The following SS18L1 variants were observed in gnomAD, a reference collection of about 807,000 sequenced individuals.
SS18L1 encodes SS18L1 subunit of BAF chromatin remodeling complex.
In SS18L1, 32 loss-of-function variants were observed where a neutral mutation model predicts 70.3. That is an observed-to-expected ratio of 0.46 (90% CI 0.34 to 0.61). SS18L1 has a LOEUF of 0.61. SS18L1 is among the 20% of genes least tolerant of loss of function. SS18L1 has a pLI of 0.01. For missense variants in SS18L1, 430 were observed against 542.1 expected (o/e 0.79, Z 2.05); for synonymous variants, 237 against 229.7 (o/e 1.03, Z -0.29).
At chr20:62,162,637 C>A in intron 4 of SS18L1, 115 bp from the exon 5 acceptor site, 2 of 1,035,784 alleles carry the variant, frequency 1.9e-6, no homozygotes, top group South Asian at 1.7e-5. Context: ...ATTAATAGTG[C>A]TGTTGATAGC....
In SS18L1 at chr20:62,174,505, G is replaced by C. The variant is rs369614213; in HGVS notation, c.1037-12G>C. 2 of 1,611,228 alleles carry C rather than the reference G, an allele frequency of 1.2e-6. No individual in the cohort carries two copies. Among genetic ancestry groups the C allele is most frequent in the Non-Finnish European group, 1.7e-6 (2 of 1,178,116 alleles). On this transcript the variant is annotated splice_polypyrimidine_tract_variant and intron_variant, in intron 9 of 10. Coordinates refer to ENST00000331758, the MANE Select transcript of SS18L1 (RefSeq NM_198935.3). The surrounding 1 kb of genome is among the most constrained non-coding windows in gnomAD (Gnocchi z 4.1). ...GTTTTGGCCGGCCTCACGGTTCCTG[G>C]TGTCTTCTCAGGGTCTGCCCAGGGA...
chr20:62,175,372 C>T lies in SS18L1; in HGVS notation c.1164+728C>T, dbSNP rs185848786. 57 of 985,318 alleles carry T rather than the reference C, an allele frequency of 5.8e-5. No individual in the cohort carries two copies. In the African/African-American group the frequency reaches 8.4e-4, roughly 14 times the overall value. 61.0% of individuals were successfully genotyped at this position (985,318 alleles called of 1,614,324 possible). Reference sequence around the variant, plus strand: ...CTTTCCCTCTGAGTGGGATGGGGCCCCTGGAGGAGGACAGGGTCTGTGTGG... The same window carrying T: ...CTTTCCCTCTGAGTGGGATGGGGCCTCTGGAGGAGGACAGGGTCTGTGTGG... On this transcript the variant is annotated intron_variant, in intron 10 of 10. Transcript: ENST00000331758.
intron 6 of SS18L1, among the ~76,000 whole-genome samples, chr20:62,163,933 C>T (rs985283857): frequency 2.0e-5 from 3 of 152,166 alleles, no homozygotes; most frequent in Non-Finnish European, 4.4e-5. Context: ...GGGCGGATCA[C>T]CTGAGGCCAG....
chr20:62,143,774 C>G lies in SS18L1; in HGVS notation c.-47C>G, dbSNP rs761084508. ...AGCGCCTCGGGCCGCCCAGCGCAGCCGGAGTATCCACCTCGATGACCACGG... is the reference window on the plus strand; with the variant it reads ...AGCGCCTCGGGCCGCCCAGCGCAGCGGGAGTATCCACCTCGATGACCACGG... On this transcript the variant is annotated 5_prime_UTR_variant, in exon 1 of 11. Transcript: ENST00000331758. 3.0e-6 allele frequency: 4 copies of G among 1,326,200 alleles called. No individual in the cohort carries two copies. The highest frequency in any genetic ancestry group is 3.1e-5 in the African/African-American group (2 of 64,330). 82.2% of individuals were successfully genotyped at this position (1,326,200 alleles called of 1,614,324 possible).
intron 7 of SS18L1, 106 bp downstream of exon 7, chr20:62,164,352 G>A (rs2057389716): frequency 1.7e-6 from 2 of 1,168,386 alleles, no homozygotes; most frequent in South Asian, 3.1e-5. Context: ...TGTGTCCTCA[G>A]TCATTCCAGC....
chr20:62,165,307 C>A, intron 7 of SS18L1, 115 bp from the exon 8 acceptor site: 1 of 1,006,550 alleles, frequency 9.9e-7, no homozygotes, highest in Non-Finnish European at 1.5e-6. Context: ...GTCCTGCCGG[C>A]TCTTGTTGCC....
Position 62,148,130 on chromosome 20 carries a change from G to A in SS18L1, c.69+4241G>A, listed in dbSNP as rs147434901. The stretch of plus-strand genomic sequence containing the variant: ...CCCGAGAAGGGGAGCATGGGGGCCT[G>A]TCTTTACATCCGCAGGGATAGGGGG... On this transcript the variant is annotated intron_variant, in intron 1 of 10. Transcript: ENST00000331758. Among the ~76,000 whole-genome samples, 6 of 152,356 alleles carry A rather than the reference G, an allele frequency of 3.9e-5. No individual in the cohort carries two copies. In the East Asian group the frequency reaches 1.2e-3, roughly 29 times the overall value.
At position 62,179,234 on chromosome 20, in the gene SS18L1, T is replaced by C. The variant is rs1231310310; in HGVS notation, c.*26T>C. The C allele has an allele frequency of 3.1e-6, 5 of 1,614,106 alleles. No homozygotes were observed. The highest frequency in any genetic ancestry group is 4.2e-6 in the Non-Finnish European group (5 of 1,179,960). Reference sequence around the variant, plus strand: ...GGGACACACATTCTGGCTGGAGCCCTTGTGGTAGCGTGTTCATCCAGGGGC... The same window carrying C: ...GGGACACACATTCTGGCTGGAGCCCCTGTGGTAGCGTGTTCATCCAGGGGC... On this transcript the variant is annotated 3_prime_UTR_variant, in exon 11 of 11. Coordinates refer to ENST00000331758, the MANE Select transcript of SS18L1 (RefSeq NM_198935.3).
At position 62,182,323 on chromosome 20, in the gene SS18L1, TTCA is replaced by T. The variant is rs1389971531; in HGVS notation, c.*3117_*3119del. On this transcript the variant is annotated 3_prime_UTR_variant, in exon 11 of 11. Transcript: ENST00000331758. ...TTTCCATTTAAACATTTTTAGCCAC[TTCA>T]TTTCTATTTATTGAACAGGTCAAAT... The T allele has an allele frequency of 4.7e-6, 1 of 212,488 alleles. No homozygotes were observed. Among genetic ancestry groups the T allele is most frequent in the African/African-American group, 2.3e-5 (1 of 44,086 alleles). 13.2% of individuals were successfully genotyped at this position (212,488 alleles called of 1,614,324 possible).
At position 62,174,558 on chromosome 20, in the gene SS18L1, C is replaced by A. The variant is rs2057587374; in HGVS notation, c.1078C>A (p.Gln360Lys). 6.2e-7 allele frequency: 1 copy of A among 1,613,908 alleles called. No individual in the cohort carries two copies. The highest frequency in any genetic ancestry group is 1.1e-5 in the South Asian group (1 of 91,086). The change falls in exon 10 of 11, where the codon CAA becomes AAA. Residue 360 changes from glutamine (Q) to lysine (K), a missense_variant. Coordinates refer to ENST00000331758, the MANE Select transcript of SS18L1 (RefSeq NM_198935.3). This position sits in a 1 kb window ranked among gnomAD's most constrained non-coding sequence, Gnocchi z 4.1. ...CCCGTCACAGTACCCCGGCTACCAG[C>A]AAGGCCAAGGCCAGCAGTACGGAAG... ...GAPSQYPGYQ[Q>K]GQGQQYGSYR... is the part of the protein sequence containing the mutation.
chr20:62,153,938 A>G (rs1297338363), intron 1 of SS18L1, among the ~76,000 whole-genome samples: 1 of 152,108 alleles, frequency 6.6e-6, no homozygotes, highest in South Asian at 2.1e-4. Flanking sequence ...GACTGCTGGC[A>G]TGTTAACGCC....
intron 4 of SS18L1, among the ~76,000 whole-genome samples, chr20:62,162,185 G>T (rs374348712): frequency 3.3e-5 from 5 of 152,202 alleles, no homozygotes; most frequent in African/African-American, 1.2e-4. Flanking sequence ...CCTTGTTCAT[G>T]CCACTGCCCT....
At chr20:62,157,122 G>GGCTCTCCTGTGCCT (rs1260141933) in intron 1 of SS18L1, among the ~76,000 whole-genome samples, 3 of 152,088 alleles carry the variant, frequency 2.0e-5, no homozygotes, top group Non-Finnish European at 4.4e-5. Flanking sequence ...TGAAAGAGCC[G>GGCTCTCCTGTGCCT]GCTCTCCTGT....
Position 62,179,519 on chromosome 20 carries a change from T to C in SS18L1, c.*311T>C. 1 of 470,520 alleles carries C rather than the reference T, an allele frequency of 2.1e-6. No homozygotes were observed. The allele number at this position is 470,520 out of a possible 1,614,324, so 29.1% of individuals were successfully genotyped here. ...GCTAGCTTTGGGGGTCATTTTGTCA[T>C]CAGAGCATTCTGTGCCCAGGGACAG... is the stretch of plus-strand genomic sequence containing the variant. On this transcript the variant is annotated 3_prime_UTR_variant, in exon 11 of 11. Coordinates refer to ENST00000331758, the MANE Select transcript of SS18L1 (RefSeq NM_198935.3).
intron 1 of SS18L1, among the ~76,000 whole-genome samples, chr20:62,145,801 G>T (rs1005239638): frequency 6.6e-6 from 1 of 152,170 alleles, no homozygotes; most frequent in Admixed American, 6.5e-5. Context: ...ATGTACCCAG[G>T]GATCTTTTAC....
rs550874331 is a variant in SS18L1 at position 62,159,696 on chromosome 20, C to T, written c.147-181C>T. On this transcript the variant is annotated intron_variant, in intron 2 of 10. Coordinates refer to ENST00000331758, the MANE Select transcript of SS18L1 (RefSeq NM_198935.3). This position sits in a 1 kb window ranked among gnomAD's most constrained non-coding sequence, Gnocchi z 4.4. Reference sequence around the variant, plus strand: ...GGGGTAGAGGCTGCCCTCCCGTCCCCACCGAGACCCCAGCACCCTGCCACC... The same window carrying T: ...GGGGTAGAGGCTGCCCTCCCGTCCCTACCGAGACCCCAGCACCCTGCCACC... 4.3e-4 allele frequency among the ~76,000 whole-genome samples: 66 copies of T among 152,282 alleles called. No homozygotes were observed. Among genetic ancestry groups the T allele is most frequent in the African/African-American group, 1.6e-3 (65 of 41,548 alleles).
intron 10 of SS18L1, chr20:62,175,521 T>G: frequency 1.1e-6 from 1 of 877,834 alleles, no homozygotes; most frequent in Non-Finnish European, 1.4e-6. Context: ...GGAGGCTCGG[T>G]GGCTGGAGCA....
In SS18L1 at chr20:62,153,850, C is replaced by T. The variant is rs974904214; in HGVS notation, c.70-4822C>T. 4.0e-5 allele frequency among the ~76,000 whole-genome samples: 6 copies of T among 151,892 alleles called. 1 individual carries two copies. The South Asian group carries it at 6.2e-4, about 16-fold the overall frequency. ...TGCTCCCTTGGTTTGGGGAGGGAGG[C>T]GCATCATTTTATGGCCTCCTGAGAA... On this transcript the variant is annotated intron_variant, in intron 1 of 10. Transcript: ENST00000331758.
chr20:62,167,665 T>C (rs368157921), intron 8 of SS18L1, among the ~76,000 whole-genome samples: 12 of 152,252 alleles, frequency 7.9e-5, no homozygotes, highest in Admixed American at 2.6e-4. Flanking sequence ...TCTGCCATCA[T>C]GGGCCTGGCC....
Sources: allele counts gnomAD v4.1 joint callset (sites outside exome capture counted in the v4.1 genomes callset), GRCh38; gene constraint gnomAD v4.1.1; non-coding constraint Gnocchi (gnomAD v3.1); transcripts MANE v1.5; gene names NCBI Gene and HGNC (gene_info 2026-07-23, HGNC 2026-07-21).